Variants in TCF25 observed in about 807,000 individuals in gnomAD.
The protein encoded by TCF25 is TCF25 ribosome quality control complex subunit, also known as ribosome quality control complex subunit TCF25.
In TCF25, 41 loss-of-function variants were observed where a neutral mutation model predicts 83.1. The ratio of observed to expected loss-of-function variants is 0.49; its 90% CI spans 0.38 to 0.64. The LOEUF is 0.64. TCF25 is among the 30% of genes least tolerant of loss of function. The pLI, the probability that TCF25 is intolerant of heterozygous loss-of-function variation, is 0.00. For missense variants in TCF25, 979 were observed against 914.5 expected (o/e 1.07, Z -0.91); for synonymous variants, 458 against 365.0 (o/e 1.25, Z -2.90).
At position 89,887,255 on chromosome 16, in the gene TCF25, C is replaced by A. The variant is rs74033895; in HGVS notation, c.549-397C>A. On this transcript the variant is annotated intron_variant, in intron 4 of 17. Transcript: ENST00000263346. ...ATGATTAATTCATCTCTTGGTCTTA[C>A]AGATGCTTAATGAATCGCTGTCCCT... Among the ~76,000 whole-genome samples the A allele has an allele frequency of 4.7e-3, 708 of 152,072 alleles. 1 individual carries two copies. The highest frequency in any genetic ancestry group is 0.016 in the African/African-American group (677 of 41,460).
chr16:89,878,716 C>T, intron 1 of TCF25: 7 of 930,798 alleles, frequency 7.5e-6, no homozygotes, highest in Non-Finnish European at 9.1e-6. Context: ...TCTCAGCTCA[C>T]TGCAAGCTCT....
chr16:89,904,213 G>T lies in TCF25; in HGVS notation c.1469+8G>T, dbSNP rs2044583050. On this transcript the variant is annotated splice_region_variant and intron_variant, in intron 13 of 17. Coordinates refer to ENST00000263346, the MANE Select transcript of TCF25 (RefSeq NM_014972.3). ...ACCCAATGCTGAAATAAGGTAAAGAGTGGCTGGTGGTGCCCATCTGTGGGT... is the reference window on the plus strand; with the variant it reads ...ACCCAATGCTGAAATAAGGTAAAGATTGGCTGGTGGTGCCCATCTGTGGGT... 4 of 1,557,958 alleles carry T rather than the reference G, an allele frequency of 2.6e-6. No individual in the cohort carries two copies. The highest frequency in any genetic ancestry group is 1.9e-5 in the Admixed American group (1 of 51,806).
rs112597872 is a variant in TCF25 at position 89,906,596 on chromosome 16, G to C, written c.1719+312G>C. Reference sequence around the variant, plus strand: ...GCTGGGGGATTCTCTGTAGTCGTGGGGTGTAGTCCTGCTCTGACGCCTCCT... The same window carrying C: ...GCTGGGGGATTCTCTGTAGTCGTGGCGTGTAGTCCTGCTCTGACGCCTCCT... On this transcript the variant is annotated intron_variant, in intron 15 of 17. Transcript: ENST00000263346. Among the ~76,000 whole-genome samples the C allele has an allele frequency of 9.5e-3, 1,442 of 152,290 alleles. 12 individuals carry two copies. Among genetic ancestry groups the C allele is most frequent in the East Asian group, 0.045 (235 of 5,174 alleles).
At chr16:89,895,278 C>G in intron 8 of TCF25, 141 bp downstream of exon 8, 1 of 753,080 alleles carries the variant, frequency 1.3e-6, no homozygotes, top group East Asian at 2.8e-5. Context: ...TAGCACAAAA[C>G]TTACCCATTT....
Position 89,896,052 on chromosome 16 carries a change from T to C in TCF25, c.991T>C (p.Cys331Arg), listed in dbSNP as rs570804129. Residue 331 changes from cysteine to arginine, a missense_variant, in exon 9 of 18, where the codon TGC (cysteine) becomes CGC (arginine). Physicochemically the swap from Cys to Arg is radical, Grantham distance 180. Coordinates refer to ENST00000263346, the MANE Select transcript of TCF25 (RefSeq NM_014972.3). ...CCTGTTCAGTCTCACCAGTGGGGCC[T>C]GCCGGCTGGATTACCGCAGACCCGA... ...HPLFSLTSGA[C>R]RLDYRRPENR... is the part of the protein sequence containing the mutation. 6.2e-7 allele frequency: 1 copy of C among 1,613,828 alleles called. No homozygotes were observed. The highest frequency in any genetic ancestry group is 1.1e-5 in the South Asian group (1 of 91,072).
chr16:89,910,524 T>A, intron 16 of TCF25, 67 bp from the exon 17 acceptor site: 1 of 1,563,262 alleles, frequency 6.4e-7, no homozygotes, highest in Non-Finnish European at 8.8e-7. Flanking sequence ...GGCAGCCCCG[T>A]GAGCCGGGTT....
At chr16:89,896,312 G>C (rs73276555) in intron 9 of TCF25, among the ~76,000 whole-genome samples, 6,406 of 152,292 alleles carry the variant, frequency 0.042, 479 homozygotes, top group African/African-American at 0.15. Flanking sequence ...GTGGAGGTCA[G>C]AGTGGGAGGT....
chr16:89,879,418 C>G (rs374939110), intron 1 of TCF25, among the ~76,000 whole-genome samples: 3,448 of 138,212 alleles, frequency 0.025, 88 homozygotes, highest in African/African-American at 0.086. Flanking sequence ...TCCGTGTACA[C>G]AGATGGGCTT....
At chr16:89,886,924 T>G (rs1156454230) in intron 4 of TCF25, among the ~76,000 whole-genome samples, 1 of 152,110 alleles carries the variant, frequency 6.6e-6, no homozygotes, top group Non-Finnish European at 1.5e-5. Flanking sequence ...GCCTGGGTGA[T>G]ACAGCGAGAC....
In TCF25 at chr16:89,873,781, G is replaced by T. The variant is rs1216142866; in HGVS notation, c.114G>T (p.Gly38=). ...ATGACGATGACGCGGAAGAAGAAGGGCCCAAGCGGGAGCTTGGTGTCCGGC... is the reference window on the plus strand; with the variant it reads ...ATGACGATGACGCGGAAGAAGAAGGTCCCAAGCGGGAGCTTGGTGTCCGGC... ...LRDDDDAEEE[G]PKRELGVRRP... is the part of the protein sequence containing the mutation. Residue 38 remains glycine, a synonymous_variant, in exon 1 of 18, where the codon GGG becomes GGT. Transcript: ENST00000263346. The T allele has an allele frequency of 1.2e-6, 2 of 1,608,822 alleles. No homozygotes were observed. Among genetic ancestry groups the T allele is most frequent in the African/African-American group, 2.7e-5 (2 of 74,550 alleles).
chr16:89,878,673 C>G, intron 1 of TCF25: 3 of 1,063,550 alleles, frequency 2.8e-6, no homozygotes, highest in Non-Finnish European at 3.4e-6. Context: ...CGGAGTCTTG[C>G]GCTGTCGCCC....
In TCF25 at chr16:89,911,069, C is replaced by A. The variant is rs754997104; in HGVS notation, c.1873-11C>A. On this transcript the variant is annotated splice_polypyrimidine_tract_variant and intron_variant, in intron 17 of 17. Coordinates refer to ENST00000263346, the MANE Select transcript of TCF25 (RefSeq NM_014972.3). ...GACAGCCCCCTTCTCAGACATGTCCCCTTGCTGCAGGGGGAGAGGCCCGAG... is the reference window on the plus strand; with the variant it reads ...GACAGCCCCCTTCTCAGACATGTCCACTTGCTGCAGGGGGAGAGGCCCGAG... The A allele has an allele frequency of 1.2e-6, 2 of 1,610,496 alleles. No homozygotes were observed. Among genetic ancestry groups the A allele is most frequent in the Non-Finnish European group, 8.5e-7 (1 of 1,179,630 alleles).
chr16:89,882,592 G>C (rs34272502), intron 1 of TCF25, among the ~76,000 whole-genome samples: 11,497 of 152,184 alleles, frequency 0.076, 649 homozygotes, highest in East Asian at 0.26. Context: ...ATGTCATTTT[G>C]TTTTTCTATT....
intron 1 of TCF25, among the ~76,000 whole-genome samples, chr16:89,880,323 C>A (rs1041465297): frequency 6.6e-6 from 1 of 152,338 alleles, no homozygotes; most frequent in Admixed American, 6.5e-5. Flanking sequence ...GTGGCTCACG[C>A]CTGTAATCCC....
intron 16 of TCF25, chr16:89,909,179 G>T: frequency 7.9e-7 from 1 of 1,264,532 alleles, no homozygotes; most frequent in Non-Finnish European, 1.0e-6. Flanking sequence ...AACTGCACCA[G>T]CCTGGCCAAC....
rs1312708135 is a variant in TCF25 at position 89,898,569 on chromosome 16, G to A, written c.1035G>A (p.Leu345=). 6.2e-7 allele frequency: 1 copy of A among 1,613,036 alleles called. No individual in the cohort carries two copies. The highest frequency in any genetic ancestry group is 1.3e-5 in the African/African-American group (1 of 75,048). Reference sequence around the variant, plus strand: ...ATTTTGGATCTAGGAGCTTCTACCTGGCCCTCTACAAGCAGATGAGCTTCC... The same window carrying A: ...ATTTTGGATCTAGGAGCTTCTACCTAGCCCTCTACAAGCAGATGAGCTTCC... ...YRRPENRSFY[L]ALYKQMSFLE... Residue 345 remains leucine (L), a synonymous_variant, in exon 10 of 18, where the codon CTG becomes CTA. Coordinates refer to ENST00000263346, the MANE Select transcript of TCF25 (RefSeq NM_014972.3).
chr16:89,906,822 CTG>C (rs1447953174), intron 15 of TCF25, among the ~76,000 whole-genome samples: 1 of 152,108 alleles, frequency 6.6e-6, no homozygotes, highest in African/African-American at 2.4e-5. Context: ...TTGTCTGGGG[CTG>C]TGAGCTTCTG....
intron 6 of TCF25, among the ~76,000 whole-genome samples, chr16:89,892,545 A>C (rs544437552): frequency 7.9e-5 from 12 of 152,178 alleles, no homozygotes; most frequent in Admixed American, 3.3e-4. Context: ...GGCCTGGCCC[A>C]GTACCTCAAC....
Position 89,910,650 on chromosome 16 carries a change from A to G in TCF25, c.1859A>G (p.Asn620Ser), listed in dbSNP as rs373330655. ...IALFFRSLLP[N>S]YTMEGERPEE... ...CTCTTCTTCCGGTCACTGTTGCCAAACTATACCATGGAGGTAGGTTGAGCT... is the reference window on the plus strand; with the variant it reads ...CTCTTCTTCCGGTCACTGTTGCCAAGCTATACCATGGAGGTAGGTTGAGCT... Residue 620 changes from asparagine (N) to serine (S), a missense_variant, in exon 17 of 18, where the codon AAC becomes AGC. By Grantham distance (46) the Asn-to-Ser change is conservative. Coordinates refer to ENST00000263346, the MANE Select transcript of TCF25 (RefSeq NM_014972.3). The G allele has an allele frequency of 4.7e-5, 76 of 1,613,476 alleles. 1 individual carries two copies. In the African/African-American group the frequency reaches 9.9e-4, roughly 21 times the overall value.
Sources: gnomAD v4.1 joint callset for allele counts (sites outside exome capture counted in the v4.1 genomes callset) on GRCh38, gnomAD v4.1.1 for gene constraint, MANE v1.5 for transcripts, NCBI Gene and HGNC (gene_info 2026-07-23, HGNC 2026-07-21) for gene names.